Variants in PLEKHG4B observed in about 807,000 individuals in gnomAD.
PLEKHG4B encodes the protein pleckstrin homology domain-containing family G member 4B.
PLEKHG4B carries 111 observed loss-of-function variants against 121.3 expected under a neutral mutation model. The observed-to-expected ratio is 0.92, with a 90% CI of 0.78 to 1.07. The LOEUF is 1.07. PLEKHG4B is among the 50% of genes least tolerant of loss of function. The pLI, the probability that PLEKHG4B is intolerant of heterozygous loss-of-function variation, is 0.00. For synonymous variants in PLEKHG4B, 738 were observed against 725.0 expected (o/e 1.02, Z -0.29); for missense variants, 1,831 against 1,757.8 (o/e 1.04, Z -0.74).
At chr5:167,358 A>G (rs1449960752) in intron 13 of PLEKHG4B, among the ~76,000 whole-genome samples, 3 of 152,162 alleles carry the variant, frequency 2.0e-5, no homozygotes, top group Non-Finnish European at 4.4e-5. Flanking sequence ...GTTCAGCAGC[A>G]TTTCTGCCCA....
chr5:173,023 G>T lies in PLEKHG4B; in HGVS notation c.4177G>T (p.Val1393Leu). 1 of 1,614,136 alleles carries T rather than the reference G, an allele frequency of 6.2e-7. No homozygotes were observed. Among genetic ancestry groups the T allele is most frequent in the South Asian group, 1.1e-5 (1 of 91,076 alleles). ...DLILFSKTQKVEGSHDVYLYK... is the reference protein window; with the variant it reads ...DLILFSKTQKLEGSHDVYLYK... ...CATCCTGTTTAGCAAGACCCAGAAG[G>T]TGGAGGGCAGCCACGACGTCTACCT... The change falls in exon 17 of 20, where the codon GTG becomes TTG. Residue 1393 changes from valine to leucine, a missense_variant. By Grantham distance (32) the Val-to-Leu change is conservative. Transcript: ENST00000637938.
chr5:107,775 C>T (rs576164944), intron 1 of PLEKHG4B, among the ~76,000 whole-genome samples: 1 of 152,322 alleles, frequency 6.6e-6, no homozygotes, highest in East Asian at 1.9e-4. Context: ...TGGCCAGGAG[C>T]TCTGGCTGGA....
Position 119,164 on chromosome 5 carries a change from T to TA in PLEKHG4B, c.243+5718dup, listed in dbSNP as rs554649371. Among the ~76,000 whole-genome samples, 25 of 152,234 alleles carry TA rather than the reference T, an allele frequency of 1.6e-4. No individual in the cohort carries two copies. The East Asian group carries it at 3.5e-3, about 21-fold the overall frequency. ...TGTGCGCCACCATGCCCAGCCTTCT[T>TA]AAGTGTACATGTAGCTTACTAGGAT... On this transcript the variant is annotated intron_variant, in intron 2 of 19. Transcript: ENST00000637938.
intron 2 of PLEKHG4B, among the ~76,000 whole-genome samples, chr5:132,753 C>T (rs11750780): frequency 0.18 from 27,764 of 152,082 alleles, 3,440 homozygotes; most frequent in African/African-American, 0.35. Context: ...TTGGTTTATA[C>T]ACCTATTTTT....
chr5:128,578 G>A (rs1181665055), intron 2 of PLEKHG4B, among the ~76,000 whole-genome samples: 1 of 152,212 alleles, frequency 6.6e-6, no homozygotes, highest in South Asian at 2.1e-4. Context: ...AGCTGCCTGC[G>A]GGGCTGGAGG....
chr5:139,345 G>A lies in PLEKHG4B; in HGVS notation c.244-138G>A, dbSNP rs1735078184. The A allele has an allele frequency of 2.5e-6, 1 of 398,150 alleles. No homozygotes were observed. Among genetic ancestry groups the A allele is most frequent in the Non-Finnish European group, 4.4e-6 (1 of 226,344 alleles). The allele number at this position is 398,150 out of a possible 1,614,324, so 24.7% of individuals were successfully genotyped here. On this transcript the variant is annotated intron_variant, in intron 2 of 19. Transcript: ENST00000637938. The surrounding 1 kb of genome is among the most constrained non-coding windows in gnomAD (Gnocchi z 5.0). ...ACCTGCTTTATGTTCCAAGGAACAGGACACCCCAGCCCCCGTGAGACCCCT... is the reference window on the plus strand; with the variant it reads ...ACCTGCTTTATGTTCCAAGGAACAGAACACCCCAGCCCCCGTGAGACCCCT...
chr5:132,120 C>G (rs111276419), intron 2 of PLEKHG4B, among the ~76,000 whole-genome samples: 1 of 151,766 alleles, frequency 6.6e-6, no homozygotes, highest in South Asian at 2.1e-4. Context: ...AGGATGCGCA[C>G]TTTCACCACT....
Position 97,920 on chromosome 5 carries a change from T to G in PLEKHG4B, c.45+5644T>G, listed in dbSNP as rs150268900. Among the ~76,000 whole-genome samples the G allele has an allele frequency of 6.0e-3, 907 of 152,244 alleles. 28 individuals are homozygous for G. Among genetic ancestry groups the G allele is most frequent in the Admixed American group, 0.05 (772 of 15,294 alleles). ...CCCACCAGCAAGTGCACAGGTGCAA[T>G]TTCCCCACATCCGCACCAACACTTG... On this transcript the variant is annotated intron_variant, in intron 1 of 19. Coordinates refer to ENST00000637938, the MANE Select transcript of PLEKHG4B (RefSeq NM_052909.5).
intron 2 of PLEKHG4B, among the ~76,000 whole-genome samples, chr5:121,482 A>G (rs1377705602): frequency 6.6e-6 from 1 of 152,202 alleles, no homozygotes. Context: ...AAATGTGTAT[A>G]GTTGCATTCA....
At chr5:92,690 T>C (rs1579222399) in intron 1 of PLEKHG4B, among the ~76,000 whole-genome samples, 1 of 151,664 alleles carries the variant, frequency 6.6e-6, no homozygotes, top group East Asian at 1.9e-4. Context: ...AAATAACGCT[T>C]TCTGGACAGA....
At chr5:133,513 C>G (rs1169121522) in intron 2 of PLEKHG4B, among the ~76,000 whole-genome samples, 1 of 151,844 alleles carries the variant, frequency 6.6e-6, no homozygotes, top group Non-Finnish European at 1.5e-5. Context: ...ATACAGATGA[C>G]CAACAAATAT....
At position 113,350 on chromosome 5, in the gene PLEKHG4B, G is replaced by GT; in HGVS notation, c.146dup (p.Ala50GlyfsTer51). 1 of 399,150 alleles carries GT rather than the reference G, an allele frequency of 2.5e-6. No homozygotes were observed. 24.7% of individuals were successfully genotyped at this position (399,150 alleles called of 1,614,324 possible). ...CACGGTGCTCTGGCAGCTGTTCAGC[G>GT]TGGCCGAGAGGTGCCACGGTGGGGA... On this transcript the variant is annotated frameshift_variant, in exon 2 of 20. Transcript: ENST00000637938. LOFTEE classifies it high-confidence loss of function. This position sits in a 1 kb window ranked among gnomAD's most constrained non-coding sequence, Gnocchi z 5.2.
chr5:167,058 C>T (rs1339192733), intron 13 of PLEKHG4B, among the ~76,000 whole-genome samples: 1 of 152,190 alleles, frequency 6.6e-6, no homozygotes, highest in Non-Finnish European at 1.5e-5. Context: ...GGACTCCTGC[C>T]GACCCCCGTG....
rs1735145030 is a variant in PLEKHG4B at position 140,707 on chromosome 5, A to G, written c.1468A>G (p.Lys490Glu). ...CVPVEGPGCT[K>E]EEDVLASSAC... ...CCCAGTAGAGGGTCCCGGCTGCACCAAAGAGGAAGGTAAATGCTCCCCACG... is the reference window on the plus strand; with the variant it reads ...CCCAGTAGAGGGTCCCGGCTGCACCGAAGAGGAAGGTAAATGCTCCCCACG... Residue 490 changes from lysine to glutamate, a missense_variant, in exon 3 of 20, where the codon AAA becomes GAA. Physicochemically the swap from Lys to Glu is moderately conservative, Grantham distance 56. Transcript: ENST00000637938. The G allele has an allele frequency of 6.4e-7, 1 of 1,566,800 alleles. No homozygotes were observed. Among genetic ancestry groups the G allele is most frequent in the Non-Finnish European group, 8.6e-7 (1 of 1,157,262 alleles).
intron 13 of PLEKHG4B, among the ~76,000 whole-genome samples, chr5:167,558 C>T (rs1736393032): frequency 6.7e-6 from 1 of 148,446 alleles, no homozygotes; most frequent in South Asian, 2.1e-4. Flanking sequence ...TTCATTAGGG[C>T]AGGGCCCCCG....
At chr5:100,230 A>G (rs1345217410) in intron 1 of PLEKHG4B, among the ~76,000 whole-genome samples, 2 of 152,170 alleles carry the variant, frequency 1.3e-5, no homozygotes, top group Non-Finnish European at 2.9e-5. Flanking sequence ...ATAAGAAATG[A>G]CCTCTTTGAG....
rs377403537 is a variant in PLEKHG4B at position 155,419 on chromosome 5, C to T, written c.2184C>T (p.Thr728=). Residue 728 remains threonine, a synonymous_variant, in exon 9 of 20, where the codon ACC becomes ACT. Transcript: ENST00000637938. The part of the protein sequence containing the change: ...FLQNSFCSLN[T]HRTPRTAQEV... ...AGAATTCATTCTGCTCCCTGAACACCCACAGAACCCCAAGAACAGCCCAGG... is the reference window on the plus strand; with the variant it reads ...AGAATTCATTCTGCTCCCTGAACACTCACAGAACCCCAAGAACAGCCCAGG... 34 of 1,614,008 alleles carry T rather than the reference C, an allele frequency of 2.1e-5. No individual in the cohort carries two copies. The highest frequency in any genetic ancestry group is 2.8e-5 in the Non-Finnish European group (33 of 1,179,996).
intron 7 of PLEKHG4B, among the ~76,000 whole-genome samples, chr5:153,394 A>T (rs1735665367): frequency 6.6e-6 from 1 of 152,022 alleles, no homozygotes; most frequent in Non-Finnish European, 1.5e-5. Flanking sequence ...TCTGGTATAG[A>T]CTCACAGTGT....
Position 137,751 on chromosome 5 carries a change from G to C in PLEKHG4B, c.244-1732G>C, listed in dbSNP as rs1735025493. ...TTTACGTCAAATCACCACTTCACAG[G>C]AACATGCCCTGGGCACCAATATGGC... On this transcript the variant is annotated intron_variant, in intron 2 of 19. Coordinates refer to ENST00000637938, the MANE Select transcript of PLEKHG4B (RefSeq NM_052909.5). This position sits in a 1 kb window ranked among gnomAD's most constrained non-coding sequence, Gnocchi z 4.2. Among the ~76,000 whole-genome samples the C allele has an allele frequency of 6.6e-6, 1 of 152,204 alleles. No individual in the cohort carries two copies. The highest frequency in any genetic ancestry group is 1.5e-5 in the Non-Finnish European group (1 of 68,044).
Sources: allele counts gnomAD v4.1 joint callset (sites outside exome capture counted in the v4.1 genomes callset), GRCh38; gene constraint gnomAD v4.1.1; non-coding constraint Gnocchi (gnomAD v3.1); transcripts MANE v1.5; gene names NCBI Gene and HGNC (gene_info 2026-07-23, HGNC 2026-07-21).